Variants in TRIM14 observed in about 807,000 individuals in gnomAD.
TRIM14 encodes the protein tripartite motif containing 14.
TRIM14 carries 28 observed loss-of-function variants against 44.5 expected under a neutral mutation model. That is an observed-to-expected ratio of 0.63 (90% CI 0.47 to 0.86). The LOEUF is 0.86. Among genes scored for constraint, TRIM14 ranks in the 40% least tolerant of loss-of-function variants. The probability of loss-of-function intolerance (pLI) is 0.00; values close to 1 mark genes in which losing one functional copy is unlikely to be tolerated. For missense variants in TRIM14, 607 were observed against 611.1 expected, an observed-to-expected ratio of 0.99 and a Z score of 0.07; for synonymous variants, 299 against 269.2, an observed-to-expected ratio of 1.11 and a Z score of -1.08.
In TRIM14 at chr9:98,089,856, C is replaced by T. The variant is rs144774377; in HGVS notation, c.794-1851G>A. Reference sequence around the variant, plus strand: ...TTCTGCCCCAAAAGTGAGGCGGTACCGTTAAGGGCAGGAGGAGCCTGTACC... The same window carrying T: ...TTCTGCCCCAAAAGTGAGGCGGTACTGTTAAGGGCAGGAGGAGCCTGTACC... On this transcript the variant is annotated intron_variant, in intron 5 of 5. Transcript: ENST00000341469. Among the ~76,000 whole-genome samples the T allele has an allele frequency of 3.9e-4, 60 of 152,256 alleles. 1 individual carries two copies. Among genetic ancestry groups the T allele is most frequent in the East Asian group, 1.3e-3 (7 of 5,186 alleles).
downstream of TRIM14, among the ~76,000 whole-genome samples, chr9:98,067,730 T>A (rs1287989946): frequency 6.6e-6 from 1 of 152,178 alleles, no homozygotes; most frequent in East Asian, 1.9e-4. Context: ...ACTTTCTTTT[T>A]TTTTTGTGAG....
chr9:98,096,472 G>A (rs1184186656), intron 3 of TRIM14, among the ~76,000 whole-genome samples: 1 of 152,098 alleles, frequency 6.6e-6, no homozygotes, highest in Non-Finnish European at 1.5e-5. Context: ...GGCACCACCT[G>A]GTAACCCCAA....
the TRIM14 span, among the ~76,000 whole-genome samples, chr9:98,044,142 G>A: frequency 4.0e-5 from 6 of 151,322 alleles, no homozygotes; most frequent in African/African-American, 7.3e-5. Flanking sequence ...CCCTCTTAGC[G>A]TCTCAGTTTC....
intron 1 of TRIM14, among the ~76,000 whole-genome samples, chr9:98,114,345 T>C (rs1034403014): frequency 2.0e-5 from 3 of 152,206 alleles, no homozygotes; most frequent in Non-Finnish European, 2.9e-5. Context: ...CAATTTGTTT[T>C]TTTTTTGAGA....
At chr9:98,078,745 G>C (rs1004367864) in intron 6 of TRIM14, among the ~76,000 whole-genome samples, 2 of 149,398 alleles carry the variant, frequency 1.3e-5, no homozygotes, top group Non-Finnish European at 3.0e-5. Flanking sequence ...TGAGGCAGGA[G>C]AATCGCTTGA....
rs1395096702 is a variant in TRIM14 at position 98,087,196 on chromosome 9, GA to G, written c.*273del. On this transcript the variant is annotated 3_prime_UTR_variant, in exon 6 of 6. Transcript: ENST00000341469. The stretch of plus-strand genomic sequence containing the variant: ...GGCTTACCTGTGGGGGTATCACTTT[GA>G]AGGAACTGGATTAAAGTAGTGTAAG... 6.8e-6 allele frequency: 5 copies of G among 737,820 alleles called. No individual in the cohort carries two copies. Among genetic ancestry groups the G allele is most frequent in the Non-Finnish European group, 1.3e-5 (5 of 392,270 alleles). 45.7% of individuals were successfully genotyped at this position (737,820 alleles called of 1,614,324 possible).
At chr9:98,060,760 G>T in the TRIM14 span, 1 of 1,609,584 alleles carries the variant, frequency 6.2e-7, no homozygotes, top group South Asian at 1.1e-5. Context: ...GTCACTGAAA[G>T]ATGTCCTAAT....
intron 6 of TRIM14, among the ~76,000 whole-genome samples, chr9:98,073,863 T>C (rs1001962501): frequency 2.6e-5 from 4 of 152,148 alleles, no homozygotes; most frequent in Non-Finnish European, 5.9e-5. Flanking sequence ...CTCAGCTCAG[T>C]GCAGCCTCAA....
chr9:98,044,377 T>A, the TRIM14 span, among the ~76,000 whole-genome samples: 1 of 146,844 alleles, frequency 6.8e-6, no homozygotes, highest in African/African-American at 2.5e-5. Flanking sequence ...TCTTTTTTTT[T>A]TTTTTTTTTT....
intron 5 of TRIM14, among the ~76,000 whole-genome samples, chr9:98,090,001 T>C (rs970760485): frequency 5.9e-5 from 9 of 152,242 alleles, no homozygotes; most frequent in Non-Finnish European, 8.8e-5. Context: ...CATAACATTC[T>C]TGTGCAGGTC....
In TRIM14 at chr9:98,087,558, A is replaced by G; in HGVS notation, c.1241T>C (p.Leu414Pro). 1 of 1,596,796 alleles carries G rather than the reference A, an allele frequency of 6.3e-7. No homozygotes were observed. Among genetic ancestry groups the G allele is most frequent in the Non-Finnish European group, 8.5e-7 (1 of 1,173,868 alleles). ...CTGGAACGTGGCGCGGAAGGTATGC[A>G]GGTGGCTCATGCCGCCCGTCACGTC... ...FYDVTGGMSH[L>P]HTFRATFQEP... is the part of the protein sequence containing the mutation. Residue 414 changes from leucine (L) to proline (P), a missense_variant, in exon 6 of 6, where the codon CTG (leucine) becomes CCG (proline). Physicochemically the swap from Leu to Pro is moderately conservative, Grantham distance 98. Transcript: ENST00000341469.
Position 98,088,017 on chromosome 9 carries a change from GA to G in TRIM14, c.794-13del. On this transcript the variant is annotated splice_polypyrimidine_tract_variant and intron_variant, in intron 5 of 5. Transcript: ENST00000341469. Reference sequence around the variant, plus strand: ...GGGCGTGCGCGCGTCTGCAGGGGGCGAGACAAGGGACGCACCTGGTGGGCGG... The same window carrying G: ...GGGCGTGCGCGCGTCTGCAGGGGGCGGACAAGGGACGCACCTGGTGGGCGG... The G allele has an allele frequency of 6.6e-7, 1 of 1,505,136 alleles. No homozygotes were observed. The highest frequency in any genetic ancestry group is 2.7e-5 in the East Asian group (1 of 37,238). 93.2% of individuals were successfully genotyped at this position (1,505,136 alleles called of 1,614,324 possible). A position where few individuals can be genotyped will look rare whatever the true frequency, so the allele number is the denominator to read the frequency against.
chr9:98,073,737 T>C (rs998542698), intron 6 of TRIM14, among the ~76,000 whole-genome samples: 26 of 151,974 alleles, frequency 1.7e-4, no homozygotes, highest in African/African-American at 6.3e-4. Context: ...AGTACAGAAA[T>C]GGGGTTCTGT....
the TRIM14 span, among the ~76,000 whole-genome samples, chr9:98,038,219 G>A: frequency 6.6e-6 from 1 of 151,798 alleles, no homozygotes; most frequent in East Asian, 1.9e-4. Context: ...TCCAGCTAAT[G>A]TTTTGTATTT....
At chr9:98,056,883 C>G in the TRIM14 span, 1 of 1,611,386 alleles carries the variant, frequency 6.2e-7, no homozygotes, top group South Asian at 1.1e-5. Context: ...TTGCCGAGAT[C>G]GGCCAGAACC....
At chr9:98,082,015 A>AT (rs1206898792), downstream of TRIM14, 4 of 152,086 alleles carry the variant, frequency 2.6e-5, no homozygotes, top group Non-Finnish European at 4.4e-5. Flanking sequence ...ATCACTTGAC[A>AT]TTTTTTCCTG....
chr9:98,039,873 G>A, the TRIM14 span, among the ~76,000 whole-genome samples: 61 of 152,032 alleles, frequency 4.0e-4, no homozygotes, highest in Non-Finnish European at 3.4e-4. Context: ...CCAGCCTCCC[G>A]CACAGCCGGC....
At chr9:98,092,089 C>G in intron 4 of TRIM14, 88 bp from the exon 5 acceptor site, 1 of 954,556 alleles carries the variant, frequency 1.0e-6, no homozygotes, top group Non-Finnish European at 1.5e-6. Context: ...ACTGGAGATT[C>G]GCATAATCTC....
At chr9:98,064,334 A>G (rs1054866605), downstream of TRIM14, among the ~76,000 whole-genome samples, 1 of 151,656 alleles carries the variant, frequency 6.6e-6, no homozygotes, top group Non-Finnish European at 1.5e-5. Flanking sequence ...GCTCACTGCA[A>G]CCTCCACCTC....
Sources: allele counts gnomAD v4.1 joint callset (sites outside exome capture counted in the v4.1 genomes callset), GRCh38; gene constraint gnomAD v4.1.1; transcripts MANE v1.5; gene names NCBI Gene and HGNC (gene_info 2026-07-23, HGNC 2026-07-21).